The following BNC2 variants were observed in gnomAD, a reference collection of about 807,000 sequenced individuals.
BNC2 encodes the protein zinc finger protein basonuclin-2.
A neutral mutation model predicts 76.3 loss-of-function variants in BNC2; 20 were observed. The observed-to-expected ratio is 0.26, with a 90% CI of 0.18 to 0.38. BNC2 has a LOEUF of 0.38. BNC2 is among the 10% of genes least tolerant of loss of function. The pLI is 1.00. For missense variants in BNC2, 1,382 were observed against 1,399.8 expected, an observed-to-expected ratio of 0.99 and a Z score of 0.20; for synonymous variants, 582 against 514.8, an observed-to-expected ratio of 1.13 and a Z score of -1.77.
chr9:16,526,540 A>T (rs995477111), intron 5 of BNC2, among the ~76,000 whole-genome samples: 1 of 127,892 alleles, frequency 7.8e-6, no homozygotes. Flanking sequence ...GCCACGTCTG[A>T]AGAAATCCTG....
chr9:16,480,742 C>G (rs1047394277), intron 5 of BNC2, among the ~76,000 whole-genome samples: 27 of 152,244 alleles, frequency 1.8e-4, no homozygotes, highest in African/African-American at 6.3e-4. Context: ...AGCTGCCTTC[C>G]GGCGGGGCAG....
chr9:16,731,626 C>A (rs1226307922), intron 2 of BNC2, among the ~76,000 whole-genome samples: 5 of 152,158 alleles, frequency 3.3e-5, no homozygotes, highest in African/African-American at 1.2e-4. Context: ...TGCACTATAA[C>A]ATGCCTTTCA....
At chr9:16,479,259 A>G (rs1415077004) in intron 5 of BNC2, among the ~76,000 whole-genome samples, 1 of 149,634 alleles carries the variant, frequency 6.7e-6, no homozygotes, top group Non-Finnish European at 1.5e-5. Flanking sequence ...CAAAAAAAAA[A>G]AAAAGAAAAG....
At chr9:16,742,207 C>T (rs1323430606) in intron 1 of BNC2, among the ~76,000 whole-genome samples, 1 of 152,108 alleles carries the variant, frequency 6.6e-6, no homozygotes, top group African/African-American at 2.4e-5. Context: ...TCCCCAAAGC[C>T]AACAAAAATC....
intron 3 of BNC2, among the ~76,000 whole-genome samples, chr9:16,702,223 T>C (rs1201077795): frequency 1.3e-5 from 2 of 152,188 alleles, no homozygotes. Context: ...CTTAGTTCCA[T>C]GATTATAAGT....
chr9:16,619,346 A>C (rs1047448985), intron 3 of BNC2, among the ~76,000 whole-genome samples: 2 of 152,162 alleles, frequency 1.3e-5, no homozygotes, highest in Non-Finnish European at 1.5e-5. Flanking sequence ...AAACAAAAAA[A>C]AAATACCAAA....
intron 5 of BNC2, among the ~76,000 whole-genome samples, chr9:16,448,178 T>C (rs1257864097): frequency 2.0e-5 from 3 of 152,166 alleles, no homozygotes; most frequent in African/African-American, 7.2e-5. Flanking sequence ...CTTTGAGGTC[T>C]ACATTTTCTA....
At chr9:16,866,631 C>A (rs544604315) in intron 1 of BNC2, among the ~76,000 whole-genome samples, 3 of 129,900 alleles carry the variant, frequency 2.3e-5, no homozygotes, top group Non-Finnish European at 4.7e-5. Context: ...CTTGACTGTT[C>A]TTGTAGAAAG....
At chr9:16,768,981 G>C (rs1825764435) in intron 1 of BNC2, among the ~76,000 whole-genome samples, 2 of 152,178 alleles carry the variant, frequency 1.3e-5, no homozygotes, top group Admixed American at 1.3e-4. Flanking sequence ...CTGAGAAGTA[G>C]GTAGGGGGCG....
At chr9:16,457,387 A>C in intron 5 of BNC2, among the ~76,000 whole-genome samples, 1 of 152,164 alleles carries the variant, frequency 6.6e-6, no homozygotes, top group Admixed American at 6.5e-5. Flanking sequence ...CACAGGACTC[A>C]GCACGTGGTC....
At chr9:16,666,383 G>T (rs1822292133) in intron 3 of BNC2, among the ~76,000 whole-genome samples, 1 of 152,106 alleles carries the variant, frequency 6.6e-6, no homozygotes, top group Admixed American at 6.6e-5. Context: ...ATTTTATTTG[G>T]TTTTTCTCAA....
At chr9:16,758,792 C>G (rs994539615) in intron 1 of BNC2, among the ~76,000 whole-genome samples, 34 of 152,288 alleles carry the variant, frequency 2.2e-4, no homozygotes, top group African/African-American at 7.9e-4. Context: ...ATTTAAAAAT[C>G]TGCCAATTTA....
chr9:16,792,500 A>G (rs542340056), intron 1 of BNC2, among the ~76,000 whole-genome samples: 1 of 152,302 alleles, frequency 6.6e-6, no homozygotes, highest in African/African-American at 2.4e-5. Context: ...CTGCTGGGAA[A>G]TTTTCAGGTT....
At chr9:16,792,452 C>T (rs1432507173) in intron 1 of BNC2, among the ~76,000 whole-genome samples, 1 of 152,168 alleles carries the variant, frequency 6.6e-6, no homozygotes, top group African/African-American at 2.4e-5. Context: ...GCCAGGCAAA[C>T]CTGATTCATA....
chr9:16,412,308 A>G lies in BNC2; in HGVS notation c.*6681T>C, dbSNP rs149475766. 9 of 152,736 alleles carry G rather than the reference A, an allele frequency of 5.9e-5. No homozygotes were observed. The East Asian group carries it at 1.5e-3, about 26-fold the overall frequency. 9.5% of individuals were successfully genotyped at this position (152,736 alleles called of 1,614,324 possible). A position where few individuals can be genotyped will look rare whatever the true frequency, so the allele number is the denominator to read the frequency against. On this transcript the variant is annotated 3_prime_UTR_variant, in exon 7 of 7. Transcript: ENST00000380672. ...AAGATGCATTTGTACACCTACGTCC[A>G]TGGTTTGATGCCAAGGATAAGAAAA...
chr9:16,537,959 A>G (rs1244426385), intron 5 of BNC2, among the ~76,000 whole-genome samples: 1 of 152,228 alleles, frequency 6.6e-6, no homozygotes, highest in Non-Finnish European at 1.5e-5. Context: ...TCCATATGGG[A>G]AATGTAATAC....
At chr9:16,697,839 C>T (rs904439545) in intron 3 of BNC2, among the ~76,000 whole-genome samples, 1 of 151,814 alleles carries the variant, frequency 6.6e-6, no homozygotes, top group Non-Finnish European at 1.5e-5. Context: ...TTAATAAGTT[C>T]TTTAAAATTA....
chr9:16,671,458 C>T (rs1317124854), intron 3 of BNC2, among the ~76,000 whole-genome samples: 1 of 152,152 alleles, frequency 6.6e-6, no homozygotes, highest in East Asian at 1.9e-4. Flanking sequence ...ATGGAAAAGC[C>T]AAACTCAGGA....
intron 1 of BNC2, among the ~76,000 whole-genome samples, chr9:16,771,364 A>G (rs1386141002): frequency 6.6e-6 from 1 of 152,220 alleles, no homozygotes; most frequent in Non-Finnish European, 1.5e-5. Flanking sequence ...AAATCTTTCA[A>G]CAGATTGTGT....
Sources: gnomAD v4.1 joint callset for allele counts (sites outside exome capture counted in the v4.1 genomes callset) on GRCh38, gnomAD v4.1.1 for gene constraint, MANE v1.5 for transcripts, NCBI Gene and HGNC (gene_info 2026-07-23, HGNC 2026-07-21) for gene names.